Variants in GRID1 observed in about 807,000 individuals in gnomAD.
GRID1 encodes the protein glutamate ionotropic receptor delta type subunit 1.
GRID1 carries 28 observed loss-of-function variants against 98.0 expected under a neutral mutation model. The observed-to-expected ratio is 0.29, with a 90% CI of 0.21 to 0.39. The LOEUF is 0.39. Among genes scored for constraint, GRID1 ranks in the 10% least tolerant of loss-of-function variants. The pLI is 1.00. For synonymous variants in GRID1, 553 were observed against 538.5 expected (o/e 1.03, Z -0.37); for missense variants, 1,111 against 1,340.5 (o/e 0.83, Z 2.67).
intron 4 of GRID1, among the ~76,000 whole-genome samples, chr10:86,003,213 T>C (rs901584169): frequency 1.3e-5 from 2 of 151,782 alleles, no homozygotes; most frequent in African/African-American, 2.4e-5. Context: ...GGGGATAGAG[T>C]TGATGATGAA....
chr10:85,773,578 T>C (rs1045381471), intron 8 of GRID1, among the ~76,000 whole-genome samples: 15 of 152,276 alleles, frequency 9.9e-5, no homozygotes, highest in Middle Eastern at 6.8e-3. Flanking sequence ...GAAAACCCCA[T>C]TGTCTCAGCC....
chr10:86,177,461 CAG>C (rs774895749), intron 3 of GRID1, among the ~76,000 whole-genome samples: 1 of 151,270 alleles, frequency 6.6e-6, no homozygotes, highest in African/African-American at 2.4e-5. Context: ...GCATGCATTA[CAG>C]AGAGAGAGAC....
In GRID1 at chr10:85,854,556, A is replaced by G. The variant is rs1233703694; in HGVS notation, c.1173T>C (p.Tyr391=). The G allele has an allele frequency of 2.5e-6, 4 of 1,613,520 alleles. No individual in the cohort carries two copies. Among genetic ancestry groups the G allele is most frequent in the East Asian group, 2.2e-5 (1 of 44,872 alleles). Residue 391 remains tyrosine (Y), a synonymous_variant, in exon 8 of 16, where the codon TAT becomes TAC. Coordinates refer to ENST00000327946, the MANE Select transcript of GRID1 (RefSeq NM_017551.3). ...MEFREDSSNP[Y]VQFEILGTTY... ...TAGTGCCAAGGATTTCAAACTGGAC[A>G]TAGGGATTCGAACTGTCCTCCCGAA...
At chr10:85,798,732 T>C (rs1842548803) in intron 8 of GRID1, among the ~76,000 whole-genome samples, 1 of 152,138 alleles carries the variant, frequency 6.6e-6, no homozygotes, top group African/African-American at 2.4e-5. Flanking sequence ...TTGTTGAGCT[T>C]CTTGTATATT....
intron 4 of GRID1, among the ~76,000 whole-genome samples, chr10:86,079,136 G>C (rs1027653992): frequency 2.6e-5 from 4 of 152,232 alleles, no homozygotes; most frequent in Admixed American, 1.3e-4. Flanking sequence ...TTTCAGAGAG[G>C]TGAGTGTGGG....
chr10:85,982,476 C>T (rs1159968677), intron 4 of GRID1, among the ~76,000 whole-genome samples: 3 of 152,120 alleles, frequency 2.0e-5, no homozygotes, highest in East Asian at 1.9e-4. Context: ...GCAACCATCC[C>T]GAGGACGCCT....
At chr10:86,084,430 T>C (rs1235851030) in intron 4 of GRID1, among the ~76,000 whole-genome samples, 2 of 152,100 alleles carry the variant, frequency 1.3e-5, no homozygotes, top group African/African-American at 2.4e-5. Context: ...TTGACAGAAA[T>C]GTAAAATTTC....
chr10:86,157,308 G>A (rs1845259969), intron 3 of GRID1, among the ~76,000 whole-genome samples: 1 of 152,098 alleles, frequency 6.6e-6, no homozygotes, highest in African/African-American at 2.4e-5. Flanking sequence ...GTGAATGTTG[G>A]CCCAGGAAGA....
chr10:85,762,525 T>C (rs115190559), intron 8 of GRID1, among the ~76,000 whole-genome samples: 2 of 152,106 alleles, frequency 1.3e-5, no homozygotes, highest in Non-Finnish European at 2.9e-5. Context: ...GACCTTGAAT[T>C]TGTGAGTTGC....
At chr10:85,927,881 A>G (rs181971966) in intron 4 of GRID1, among the ~76,000 whole-genome samples, 2 of 152,326 alleles carry the variant, frequency 1.3e-5, no homozygotes, top group Admixed American at 6.5e-5. Context: ...AAATTTGCTG[A>G]AAAGTAGTTA....
At chr10:85,679,906 G>C (rs576552852) in intron 12 of GRID1, among the ~76,000 whole-genome samples, 1 of 152,304 alleles carries the variant, frequency 6.6e-6, no homozygotes, top group African/African-American at 2.4e-5. Context: ...GAATTATGCA[G>C]GCAGTGACCA....
chr10:85,997,826 C>T (rs1425257373), intron 4 of GRID1, among the ~76,000 whole-genome samples: 1 of 151,678 alleles, frequency 6.6e-6, no homozygotes, highest in South Asian at 2.1e-4. Flanking sequence ...CTACAAGAAA[C>T]TCACTTCAAA....
chr10:86,195,018 C>T lies in GRID1; in HGVS notation c.520+11346G>A, dbSNP rs954017981. On this transcript the variant is annotated intron_variant, in intron 3 of 15. Coordinates refer to ENST00000327946, the MANE Select transcript of GRID1 (RefSeq NM_017551.3). The surrounding 1 kb of genome is among the most constrained non-coding windows in gnomAD (Gnocchi z 4.4). ...CCAACAGAACTAAACTGAATGGACA[C>T]ATGAAGCCTCACTCCGTGGGCAGCA... 1.3e-5 allele frequency among the ~76,000 whole-genome samples: 2 copies of T among 152,138 alleles called. No individual in the cohort carries two copies. The highest frequency in any genetic ancestry group is 4.8e-5 in the African/African-American group (2 of 41,444).
At chr10:85,804,883 T>A (rs965533770) in intron 8 of GRID1, among the ~76,000 whole-genome samples, 4 of 151,760 alleles carry the variant, frequency 2.6e-5, no homozygotes, top group African/African-American at 9.6e-5. Flanking sequence ...TCTAATTAAG[T>A]TTGGGGACAA....
chr10:85,602,712 G>A lies in GRID1; in HGVS notation c.2602-11C>T. 1 of 1,598,938 alleles carries A rather than the reference G, an allele frequency of 6.3e-7. No homozygotes were observed. The highest frequency in any genetic ancestry group is 1.1e-5 in the South Asian group (1 of 89,004). The stretch of plus-strand genomic sequence containing the variant: ...GTTCACTTCTTTGTCCTGGAGGGAA[G>A]GCATAGGAAGGTCAGGTGGAGCCCT... On this transcript the variant is annotated splice_polypyrimidine_tract_variant and intron_variant, in intron 15 of 15. Coordinates refer to ENST00000327946, the MANE Select transcript of GRID1 (RefSeq NM_017551.3).
At chr10:85,953,673 G>T (rs528385358) in intron 4 of GRID1, among the ~76,000 whole-genome samples, 1 of 152,260 alleles carries the variant, frequency 6.6e-6, no homozygotes, top group South Asian at 2.1e-4. Context: ...TGCTGCTTCA[G>T]CCTATGAGGC....
intron 12 of GRID1, among the ~76,000 whole-genome samples, chr10:85,676,535 T>C (rs868342628): frequency 1.3e-5 from 2 of 152,202 alleles, no homozygotes; most frequent in African/African-American, 4.8e-5. Flanking sequence ...AGTCCTCAGC[T>C]TAAGTTCTGT....
intron 2 of GRID1, among the ~76,000 whole-genome samples, chr10:86,345,019 C>T (rs1411167259): frequency 6.6e-6 from 1 of 152,170 alleles, no homozygotes; most frequent in Non-Finnish European, 1.5e-5. Context: ...CCCTGGAGGG[C>T]CCCAGCAGGA....
chr10:86,034,952 G>A (rs1054867183), intron 4 of GRID1, among the ~76,000 whole-genome samples: 1 of 143,560 alleles, frequency 7.0e-6, no homozygotes, highest in Non-Finnish European at 1.5e-5. Context: ...ATGGATGGAT[G>A]GATAGATGGT....
Sources: allele counts gnomAD v4.1 joint callset (sites outside exome capture counted in the v4.1 genomes callset), GRCh38; gene constraint gnomAD v4.1.1; non-coding constraint Gnocchi (gnomAD v3.1); transcripts MANE v1.5; gene names NCBI Gene and HGNC (gene_info 2026-07-23, HGNC 2026-07-21).